The following CNTN5 variants were observed in gnomAD, a reference collection of about 807,000 sequenced individuals.
CNTN5 encodes contactin-5.
A neutral mutation model predicts 129.1 loss-of-function variants in CNTN5; 77 were observed. The ratio of observed to expected loss-of-function variants is 0.60; its 90% confidence interval spans 0.50 to 0.72. CNTN5 has a LOEUF of 0.72. Among genes scored for constraint, CNTN5 ranks in the 30% least tolerant of loss-of-function variants. The pLI is 0.00. For missense variants in CNTN5, 1,478 were observed against 1,328.8 expected (o/e 1.11, Z -1.75); for synonymous variants, 509 against 465.6 (o/e 1.09, Z -1.20).
chr11:100,284,705 T>A (rs1950727143), intron 18 of CNTN5, among the ~76,000 whole-genome samples: 1 of 152,212 alleles, frequency 6.6e-6, no homozygotes, highest in Non-Finnish European at 1.5e-5. Flanking sequence ...GTTAACTACG[T>A]AACTTGTCAT....
At chr11:100,082,883 T>C (rs966575979) in intron 13 of CNTN5, among the ~76,000 whole-genome samples, 3 of 151,858 alleles carry the variant, frequency 2.0e-5, no homozygotes, top group Admixed American at 1.3e-4. Flanking sequence ...GAAAAAGAGG[T>C]TTAATTGGCT....
chr11:99,295,174 G>T (rs1025749690), intron 1 of CNTN5, among the ~76,000 whole-genome samples: 4 of 152,110 alleles, frequency 2.6e-5, no homozygotes, highest in Middle Eastern at 3.2e-3. Flanking sequence ...CCTTATCCAG[G>T]ATTCCCATAA....
chr11:100,118,264 C>G (rs1234732303), intron 13 of CNTN5, among the ~76,000 whole-genome samples: 1 of 151,756 alleles, frequency 6.6e-6, no homozygotes, highest in Non-Finnish European at 1.5e-5. Flanking sequence ...AGGAGATTCC[C>G]TCACTACCTT....
chr11:99,534,505 G>A (rs1947830448), intron 2 of CNTN5, among the ~76,000 whole-genome samples: 1 of 140,660 alleles, frequency 7.1e-6, no homozygotes, highest in African/African-American at 2.5e-5. Context: ...CAAAAAATTT[G>A]GGCATAGTTA....
intron 6 of CNTN5, among the ~76,000 whole-genome samples, chr11:99,865,584 T>C (rs1356141436): frequency 6.6e-6 from 1 of 152,002 alleles, no homozygotes; most frequent in Non-Finnish European, 1.5e-5. Context: ...TTGAGAAATA[T>C]ATTTTAAGTA....
chr11:99,669,496 A>G (rs1208833046), intron 3 of CNTN5, among the ~76,000 whole-genome samples: 2 of 151,774 alleles, frequency 1.3e-5, no homozygotes, highest in Non-Finnish European at 2.9e-5. Flanking sequence ...ATATATACAC[A>G]TATATTTTTA....
chr11:99,202,591 A>G (rs1279357534), intron 1 of CNTN5, among the ~76,000 whole-genome samples: 1 of 152,134 alleles, frequency 6.6e-6, no homozygotes, highest in Non-Finnish European at 1.5e-5. Flanking sequence ...AATTAGTGTC[A>G]TTAATTTTTT....
intron 3 of CNTN5, among the ~76,000 whole-genome samples, chr11:99,571,374 C>T (rs1472094851): frequency 6.6e-6 from 1 of 152,138 alleles, no homozygotes; most frequent in Non-Finnish European, 1.5e-5. Flanking sequence ...GTATTGCTGT[C>T]ATGCTAACAA....
In CNTN5 at chr11:99,430,287, A is replaced by C. The variant is rs146606522; in HGVS notation, c.-71+104803A>C. Reference sequence around the variant, plus strand: ...CACGTGTTTTCTTTTTTGTTTAAAAAAACGAAAGGTTTCAGTAAACTAAAA... The same window carrying C: ...CACGTGTTTTCTTTTTTGTTTAAAACAACGAAAGGTTTCAGTAAACTAAAA... On this transcript the variant is annotated intron_variant, in intron 2 of 24. Transcript: ENST00000524871. Among the ~76,000 whole-genome samples, 24 of 152,170 alleles carry C rather than the reference A, an allele frequency of 1.6e-4. No homozygotes were observed. In the South Asian group the frequency reaches 4.8e-3, roughly 30 times the overall value.
At chr11:99,123,572 T>C (rs1168913632) in intron 1 of CNTN5, among the ~76,000 whole-genome samples, 2 of 152,016 alleles carry the variant, frequency 1.3e-5, no homozygotes, top group Admixed American at 1.3e-4. Context: ...TTCTTTTTGT[T>C]GCAGTTGCTT....
At chr11:99,337,071 TTAA>T (rs1866261529) in intron 2 of CNTN5, among the ~76,000 whole-genome samples, 1 of 152,210 alleles carries the variant, frequency 6.6e-6, no homozygotes, top group South Asian at 2.1e-4. Flanking sequence ...AGTGTATTTC[TTAA>T]TAATTTTTCT....
At chr11:99,828,351 G>T (rs766163015) in intron 4 of CNTN5, among the ~76,000 whole-genome samples, 6 of 152,156 alleles carry the variant, frequency 3.9e-5, no homozygotes, top group Non-Finnish European at 7.3e-5. Flanking sequence ...AAATGTGTTG[G>T]CTCACAATTC....
At chr11:99,042,410 T>A (rs1864029383) in intron 1 of CNTN5, among the ~76,000 whole-genome samples, 1 of 139,808 alleles carries the variant, frequency 7.2e-6, no homozygotes, top group African/African-American at 2.7e-5. Flanking sequence ...AGTCTCTCTC[T>A]GTCACCCCAG....
At chr11:99,683,574 T>C (rs1466484031) in intron 3 of CNTN5, among the ~76,000 whole-genome samples, 2 of 151,890 alleles carry the variant, frequency 1.3e-5, no homozygotes, top group Non-Finnish European at 2.9e-5. Flanking sequence ...TTGGCCACTT[T>C]CCAAAATGTT....
At chr11:99,430,179 G>A (rs1171090616) in intron 2 of CNTN5, among the ~76,000 whole-genome samples, 1 of 151,948 alleles carries the variant, frequency 6.6e-6, no homozygotes, top group Non-Finnish European at 1.5e-5. Flanking sequence ...ACCAAAGATG[G>A]TAAAGGGGAA....
At chr11:99,762,339 C>G (rs1944609448) in intron 3 of CNTN5, among the ~76,000 whole-genome samples, 1 of 151,680 alleles carries the variant, frequency 6.6e-6, no homozygotes, top group South Asian at 2.1e-4. Flanking sequence ...AAGTCCTTGC[C>G]CATGCCTGTG....
chr11:99,389,456 A>G (rs532185354), intron 2 of CNTN5, among the ~76,000 whole-genome samples: 9 of 152,316 alleles, frequency 5.9e-5, no homozygotes, highest in Non-Finnish European at 1.3e-4. Context: ...TAATAGCTCA[A>G]AAGGAGCCTG....
intron 1 of CNTN5, among the ~76,000 whole-genome samples, chr11:99,292,032 G>A (rs1454936249): frequency 1.3e-5 from 2 of 151,918 alleles, no homozygotes; most frequent in Non-Finnish European, 2.9e-5. Flanking sequence ...CGGTCCATTT[G>A]CTTACATGAG....
chr11:99,465,581 C>T (rs946663930), intron 2 of CNTN5, among the ~76,000 whole-genome samples: 2 of 151,390 alleles, frequency 1.3e-5, no homozygotes, highest in African/African-American at 2.4e-5. Flanking sequence ...TAGAATATTA[C>T]TTGGTATATA....
Sources: gnomAD v4.1 joint callset for allele counts (sites outside exome capture counted in the v4.1 genomes callset) on GRCh38, gnomAD v4.1.1 for gene constraint, MANE v1.5 for transcripts, NCBI Gene and HGNC (gene_info 2026-07-23, HGNC 2026-07-21) for gene names.